The following ACTR3C variants were observed in gnomAD, a reference collection of about 807,000 sequenced individuals.
ACTR3C encodes actin related protein 3C, also known as actin-related protein 3C.
In ACTR3C, 18 loss-of-function variants were observed where a neutral mutation model predicts 26.3. That is an observed-to-expected ratio of 0.68 (90% CI 0.47 to 1.01). The LOEUF (loss-of-function observed/expected upper bound fraction) is 1.01, where lower values mean the gene tolerates loss of function less well. ACTR3C is among the 50% of genes least tolerant of loss of function. The pLI is 0.00. For missense variants in ACTR3C, 184 were observed against 250.7 expected, an observed-to-expected ratio of 0.73 and a Z score of 1.80; for synonymous variants, 55 against 94.5, an observed-to-expected ratio of 0.58 and a Z score of 2.42.
the ACTR3C span, among the ~76,000 whole-genome samples, chr7:149,996,358 A>T: frequency 4.4e-4 from 66 of 150,218 alleles, no homozygotes; most frequent in African/African-American, 1.5e-3. Context: ...ATGACGGGGG[A>T]TGGGGCGAAT....
chr7:150,035,963 A>AC, the ACTR3C span, among the ~76,000 whole-genome samples: 2 of 125,338 alleles, frequency 1.6e-5, no homozygotes, highest in East Asian at 2.5e-4. Context: ...CAGGGCGGGA[A>AC]GAGGGACTGG....
chr7:150,005,347 A>T, the ACTR3C span, among the ~76,000 whole-genome samples: 1 of 152,170 alleles, frequency 6.6e-6, no homozygotes, highest in Non-Finnish European at 1.5e-5. Flanking sequence ...AATTGTTGAG[A>T]ACCACCAAGG....
intron 6 of ACTR3C, among the ~76,000 whole-genome samples, chr7:150,281,832 G>A (rs1302523041): frequency 0.017 from 2,562 of 149,188 alleles, 58 homozygotes; most frequent in African/African-American, 0.061. Flanking sequence ...ACTCCTAGTC[G>A]TTCAACACGG....
At chr7:150,310,389 TGTTACA>T (rs1796201903) in intron 1 of ACTR3C, among the ~76,000 whole-genome samples, 1 of 152,200 alleles carries the variant, frequency 6.6e-6, no homozygotes, top group Admixed American at 6.5e-5. Context: ...ATCACTTGCC[TGTTACA>T]GCATGGCCTT....
chr7:150,109,199 A>G, the ACTR3C span, among the ~76,000 whole-genome samples: 1 of 151,870 alleles, frequency 6.6e-6, no homozygotes, highest in Non-Finnish European at 1.5e-5. Context: ...CATGCTTAAC[A>G]CTTCATTTTT....
the ACTR3C span, among the ~76,000 whole-genome samples, chr7:150,039,290 G>A: frequency 6.7e-6 from 1 of 150,340 alleles, no homozygotes; most frequent in Admixed American, 6.6e-5. Context: ...CCCCCCTCCT[G>A]CGATGGGGGT....
chr7:150,017,611 C>T, the ACTR3C span, among the ~76,000 whole-genome samples: 1,187 of 149,942 alleles, frequency 7.9e-3, 45 homozygotes, highest in Middle Eastern at 0.014. Flanking sequence ...AGCAGTCTTC[C>T]ACGGTCACCT....
At chr7:150,239,428 C>G (rs1398007558), downstream of ACTR3C, among the ~76,000 whole-genome samples, 1 of 138,076 alleles carries the variant, frequency 7.2e-6, no homozygotes, top group Non-Finnish European at 1.5e-5. Context: ...AAATTTAGAG[C>G]CTGTTTCTCT....
At chr7:149,971,851 A>G in the ACTR3C span, among the ~76,000 whole-genome samples, 1 of 152,206 alleles carries the variant, frequency 6.6e-6, no homozygotes, top group African/African-American at 2.4e-5. Context: ...CTGCACACCA[A>G]TGGGCTGCGC....
the ACTR3C span, among the ~76,000 whole-genome samples, chr7:149,983,305 A>G: frequency 6.6e-6 from 1 of 151,486 alleles, no homozygotes; most frequent in East Asian, 1.9e-4. Flanking sequence ...AATGGCCAAC[A>G]GGCACATAAA....
the ACTR3C span, among the ~76,000 whole-genome samples, chr7:150,020,809 T>G: frequency 6.6e-6 from 1 of 152,166 alleles, no homozygotes; most frequent in Non-Finnish European, 1.5e-5. Flanking sequence ...ATTTCTGGTC[T>G]GCTTTTTAAA....
chr7:150,222,139 C>G, the ACTR3C span, among the ~76,000 whole-genome samples: 2 of 152,168 alleles, frequency 1.3e-5, no homozygotes, highest in African/African-American at 4.8e-5. Context: ...GAATAATCCC[C>G]ATTTTGTAAA....
At chr7:150,134,665 T>C in the ACTR3C span, among the ~76,000 whole-genome samples, 1 of 152,276 alleles carries the variant, frequency 6.6e-6, no homozygotes, top group Admixed American at 6.5e-5. Context: ...ACCAGAGGGG[T>C]CGCTTTCATG....
the ACTR3C span, among the ~76,000 whole-genome samples, chr7:149,957,247 G>T: frequency 6.6e-6 from 1 of 152,054 alleles, no homozygotes; most frequent in Non-Finnish European, 1.5e-5. Context: ...TTCAGAAGGT[G>T]TGGTGCCCTC....
the ACTR3C span, among the ~76,000 whole-genome samples, chr7:149,985,207 A>AACACACAAACACAC: frequency 7.6e-6 from 1 of 130,804 alleles, no homozygotes; most frequent in African/African-American, 3.0e-5. Flanking sequence ...CAAACAAAGC[A>AACACACAAACACAC]ACACACACAC....
intron 1 of ACTR3C, among the ~76,000 whole-genome samples, chr7:150,321,747 T>A (rs1391231660): frequency 2.0e-5 from 3 of 151,828 alleles, no homozygotes; most frequent in African/African-American, 7.3e-5. Context: ...CTCAAAAAAA[T>A]AAAAATAAAA....
the ACTR3C span, among the ~76,000 whole-genome samples, chr7:149,889,109 ATC>A: frequency 6.6e-6 from 1 of 152,174 alleles, no homozygotes; most frequent in East Asian, 1.9e-4. Flanking sequence ...TAAAGCATAT[ATC>A]TGTCAAGACT....
At chr7:150,060,262 A>G in the ACTR3C span, among the ~76,000 whole-genome samples, 5 of 151,720 alleles carry the variant, frequency 3.3e-5, no homozygotes, top group Admixed American at 1.3e-4. Context: ...AGAAAGCAAG[A>G]GAAACAGCCT....
chr7:150,095,908 C>A, the ACTR3C span, among the ~76,000 whole-genome samples: 1 of 149,130 alleles, frequency 6.7e-6, no homozygotes, highest in Non-Finnish European at 1.5e-5. Context: ...CAGTCACTGA[C>A]ATATAAACTA....
Sources: allele counts gnomAD v4.1 joint callset (sites outside exome capture counted in the v4.1 genomes callset), GRCh38; gene constraint gnomAD v4.1.1; transcripts MANE v1.5; gene names NCBI Gene and HGNC (gene_info 2026-07-23, HGNC 2026-07-21).